The following OCA2 variants were observed in gnomAD, a reference collection of about 807,000 sequenced individuals.
OCA2 encodes P protein.
OCA2 carries 77 observed loss-of-function variants against 100.2 expected under a neutral mutation model. The observed-to-expected ratio is 0.77, with a 90% CI of 0.64 to 0.93. The LOEUF is 0.93. Among genes scored for constraint, OCA2 ranks in the 40% least tolerant of loss-of-function variants. The probability of loss-of-function intolerance (pLI) is 0.00; values close to 1 mark genes in which losing one functional copy is unlikely to be tolerated. For missense variants in OCA2, 1,062 were observed against 1,089.1 expected, an observed-to-expected ratio of 0.98 and a Z score of 0.35; for synonymous variants, 432 against 439.2, an observed-to-expected ratio of 0.98 and a Z score of 0.21.
chr15:28,031,385 G>C (rs1202170774), intron 3 of OCA2, among the ~76,000 whole-genome samples: 1 of 152,214 alleles, frequency 6.6e-6, no homozygotes. Flanking sequence ...AGGAAACATG[G>C]AGCAGGCGGC....
intron 9 of OCA2, among the ~76,000 whole-genome samples, chr15:28,000,970 G>A (rs1054898801): frequency 2.0e-5 from 3 of 152,172 alleles, no homozygotes; most frequent in Admixed American, 1.3e-4. Context: ...CAAATGTTGG[G>A]TAGGATGTGA....
At chr15:27,965,677 G>A (rs1035991472) in intron 15 of OCA2, among the ~76,000 whole-genome samples, 3 of 152,150 alleles carry the variant, frequency 2.0e-5, no homozygotes, top group Non-Finnish European at 4.4e-5. Flanking sequence ...AGATCAACAT[G>A]CAATCCGTGA....
Position 28,033,997 on chromosome 15 carries a change from T to C in OCA2, c.228-1834A>G, listed in dbSNP as rs527672260. Among the ~76,000 whole-genome samples the C allele has an allele frequency of 4.6e-5, 7 of 152,194 alleles. 1 individual carries two copies. The South Asian group carries it at 1.5e-3, about 32-fold the overall frequency. ...CTTCCATTTTCTCAGTCATGCAATG[T>C]AGATTAAAAGAAAACAAGGCCAAGC... is the stretch of plus-strand genomic sequence containing the variant. On this transcript the variant is annotated intron_variant, in intron 2 of 23. Coordinates refer to ENST00000354638, the MANE Select transcript of OCA2 (RefSeq NM_000275.3).
intron 23 of OCA2, among the ~76,000 whole-genome samples, chr15:27,775,225 C>T (rs972247007): frequency 2.6e-5 from 4 of 152,144 alleles, no homozygotes; most frequent in East Asian, 1.9e-4. Flanking sequence ...TGGCTGAGTG[C>T]GGCCTGGCGA....
In OCA2 at chr15:27,997,031, G is replaced by A. The variant is rs1243013275; in HGVS notation, c.1045-6384C>T. Among the ~76,000 whole-genome samples the A allele has an allele frequency of 1.7e-4, 15 of 85,886 alleles. No homozygotes were observed. The South Asian group carries it at 3.2e-3, about 18-fold the overall frequency. 56.3% of individuals were successfully genotyped at this position (85,886 alleles called of 152,430 possible). A position where few individuals can be genotyped will look rare whatever the true frequency, so the allele number is the denominator to read the frequency against. ...AAAGAGAGAAAGAAAGAAAGAAAGA[G>A]AGAGAGAGAGAAAGAAGGAAGGAAG... On this transcript the variant is annotated intron_variant, in intron 9 of 23. Transcript: ENST00000354638.
At chr15:27,995,538 G>A (rs972563488) in intron 9 of OCA2, among the ~76,000 whole-genome samples, 1 of 147,828 alleles carries the variant, frequency 6.8e-6, no homozygotes, top group Non-Finnish European at 1.5e-5. Context: ...GACTACAAGT[G>A]TACACCACCA....
At chr15:27,767,565 C>CAATCAGCA (rs2031364649) in intron 23 of OCA2, among the ~76,000 whole-genome samples, 1 of 151,740 alleles carries the variant, frequency 6.6e-6, no homozygotes, top group Non-Finnish European at 1.5e-5. Flanking sequence ...AAAAATGCAC[C>CAATCAGCA]AATCAGCACT....
intron 23 of OCA2, among the ~76,000 whole-genome samples, chr15:27,795,902 C>T (rs1487174492): frequency 6.6e-6 from 1 of 152,240 alleles, no homozygotes; most frequent in Non-Finnish European, 1.5e-5. Context: ...GCATGTTTCA[C>T]TTGTAAATTT....
At chr15:28,031,724 T>G (rs1268515177) in intron 3 of OCA2, among the ~76,000 whole-genome samples, 1 of 152,178 alleles carries the variant, frequency 6.6e-6, no homozygotes, top group Non-Finnish European at 1.5e-5. Flanking sequence ...CAGAAGCATC[T>G]CAGCCCTCAG....
intron 2 of OCA2, among the ~76,000 whole-genome samples, chr15:28,056,081 G>A (rs552096631): frequency 5.3e-5 from 8 of 152,082 alleles, no homozygotes; most frequent in South Asian, 2.1e-4. Context: ...CTGGAGCCTC[G>A]TGGCCCTGGG....
At chr15:27,984,685 C>A (rs541314126) in intron 13 of OCA2, among the ~76,000 whole-genome samples, 1 of 152,278 alleles carries the variant, frequency 6.6e-6, no homozygotes, top group African/African-American at 2.4e-5. Flanking sequence ...CTCAGCCTCC[C>A]CAGTAGCTGG....
At chr15:27,871,992 C>A in intron 19 of OCA2, 70 bp from the exon 20 acceptor site, 1 of 1,208,070 alleles carries the variant, frequency 8.3e-7, no homozygotes, top group Non-Finnish European at 1.2e-6. Flanking sequence ...AAAAAAAAGT[C>A]TTGAAAATGA....
chr15:27,856,211 T>C (rs193152847), intron 21 of OCA2, among the ~76,000 whole-genome samples: 1 of 152,328 alleles, frequency 6.6e-6, no homozygotes, highest in East Asian at 1.9e-4. Flanking sequence ...CCCACCCTGG[T>C]GACCTGATTT....
At chr15:27,905,659 G>A (rs763186901) in intron 19 of OCA2, among the ~76,000 whole-genome samples, 21 of 152,236 alleles carry the variant, frequency 1.4e-4, no homozygotes, top group Admixed American at 3.9e-4. Context: ...AGGTAAAAGC[G>A]GGGTTCCGCA....
At chr15:27,846,035 C>G (rs1352017283) in intron 22 of OCA2, among the ~76,000 whole-genome samples, 2 of 152,118 alleles carry the variant, frequency 1.3e-5, no homozygotes, top group Non-Finnish European at 2.9e-5. Context: ...TGACCGTGAA[C>G]CATTCTGGCT....
the OCA2 span, among the ~76,000 whole-genome samples, chr15:27,723,371 T>A: frequency 2.0e-5 from 3 of 152,160 alleles, no homozygotes; most frequent in African/African-American, 7.2e-5. Flanking sequence ...ACACGTGCTA[T>A]GAGCACTGCT....
chr15:27,753,750 A>G (rs1215959639), downstream of OCA2, among the ~76,000 whole-genome samples: 4 of 151,950 alleles, frequency 2.6e-5, no homozygotes, highest in African/African-American at 4.8e-5. Flanking sequence ...AAGAAAAAAG[A>G]AAAGAAAGAA....
chr15:27,905,284 A>G (rs2038131874), intron 19 of OCA2, among the ~76,000 whole-genome samples: 2 of 152,224 alleles, frequency 1.3e-5, no homozygotes, highest in South Asian at 2.1e-4. Context: ...AGTAAAATCT[A>G]CACAAAGCCA....
chr15:28,051,810 TG>T (rs2043526781), intron 2 of OCA2, among the ~76,000 whole-genome samples: 1 of 151,986 alleles, frequency 6.6e-6, no homozygotes, highest in South Asian at 2.1e-4. Flanking sequence ...ACTGGTTGAT[TG>T]GGTCAGATTT....
Sources: gnomAD v4.1 joint callset for allele counts (sites outside exome capture counted in the v4.1 genomes callset) on GRCh38, gnomAD v4.1.1 for gene constraint, MANE v1.5 for transcripts, NCBI Gene and HGNC (gene_info 2026-07-23, HGNC 2026-07-21) for gene names.